SIK3: variants seen among roughly 807,000 people sequenced by gnomAD.
SIK3 encodes the protein serine/threonine-protein kinase SIK3.
In SIK3, 28 loss-of-function variants were observed where a neutral mutation model predicts 144.2. That is an observed-to-expected ratio of 0.19 (90% CI 0.14 to 0.27). The LOEUF is 0.27. Ranked by LOEUF, SIK3 falls within the 10% of genes least tolerant of loss-of-function variation. The pLI is 1.00. For missense variants in SIK3, 1,319 were observed against 1,776.0 expected (o/e 0.74, Z 4.62); for synonymous variants, 686 against 676.3 (o/e 1.01, Z -0.22).
intron 1 of SIK3, among the ~76,000 whole-genome samples, chr11:116,983,003 A>C (rs984040412): frequency 2.0e-5 from 3 of 151,022 alleles, no homozygotes; most frequent in Admixed American, 6.6e-5. Flanking sequence ...TGAATATCTA[A>C]TCTACTATAT....
intron 1 of SIK3, among the ~76,000 whole-genome samples, chr11:116,979,864 A>G (rs1565521969): frequency 1.3e-5 from 2 of 152,100 alleles, no homozygotes; most frequent in Non-Finnish European, 2.9e-5. Context: ...CAAAGAAAAA[A>G]AAGAGAGAGA....
chr11:116,979,349 AT>A (rs35718965), intron 1 of SIK3, among the ~76,000 whole-genome samples: 50 of 147,840 alleles, frequency 3.4e-4, no homozygotes, highest in East Asian at 1.2e-3. Context: ...ATTTTTCCTA[AT>A]TTTTTTTTTT....
At chr11:117,018,818 T>C (rs1487500249) in intron 1 of SIK3, among the ~76,000 whole-genome samples, 1 of 152,046 alleles carries the variant, frequency 6.6e-6, no homozygotes, top group Non-Finnish European at 1.5e-5. Context: ...TTCAAGTGAT[T>C]CTCCTGCCTC....
chr11:117,060,240 A>G (rs1002001435), intron 1 of SIK3, among the ~76,000 whole-genome samples: 15 of 152,232 alleles, frequency 9.9e-5, no homozygotes, highest in East Asian at 1.9e-4. Context: ...AAAAAAGTCA[A>G]TCTGAAAAGG....
chr11:116,964,925 T>C (rs894051636), intron 1 of SIK3, among the ~76,000 whole-genome samples: 2 of 152,026 alleles, frequency 1.3e-5, no homozygotes, highest in African/African-American at 4.8e-5. Context: ...ATAAAATGTA[T>C]AGTGCTTTTT....
intron 4 of SIK3, among the ~76,000 whole-genome samples, chr11:116,902,872 C>T (rs1158284433): frequency 3.3e-5 from 5 of 152,176 alleles, no homozygotes; most frequent in African/African-American, 7.2e-5. Flanking sequence ...CTTTCTTTAA[C>T]GTACCAAACC....
chr11:116,944,695 G>A (rs1948490763), intron 3 of SIK3, among the ~76,000 whole-genome samples: 1 of 152,142 alleles, frequency 6.6e-6, no homozygotes, highest in Non-Finnish European at 1.5e-5. Context: ...TCCTTTACCT[G>A]TATTAAACCA....
Position 116,861,938 on chromosome 11 carries a change from A to T in SIK3, c.2230-12T>A, listed in dbSNP as rs1248973204. 1 of 1,585,548 alleles carries T rather than the reference A, an allele frequency of 6.3e-7. No individual in the cohort carries two copies. The highest frequency in any genetic ancestry group is 8.6e-7 in the Non-Finnish European group (1 of 1,160,368). On this transcript the variant is annotated splice_polypyrimidine_tract_variant and intron_variant, in intron 17 of 24. Transcript: ENST00000445177. ...GGACAGATAGAGTCCTAAAACATAT[A>T]TGGGGAAAGGAAAAAAATTATTGTG... is the stretch of plus-strand genomic sequence containing the variant.
chr11:117,061,858 G>A (rs1012741073), intron 1 of SIK3, among the ~76,000 whole-genome samples: 2 of 152,088 alleles, frequency 1.3e-5, no homozygotes, highest in Non-Finnish European at 2.9e-5. Flanking sequence ...TACAAAAAAA[G>A]AGAATCAATT....
intron 1 of SIK3, among the ~76,000 whole-genome samples, chr11:116,980,632 C>G (rs1484757709): frequency 6.6e-6 from 1 of 152,144 alleles, no homozygotes; most frequent in Admixed American, 6.5e-5. Context: ...GTGGGCAGAT[C>G]ACTTGAGCTC....
intron 21 of SIK3, chr11:116,856,917 T>C (rs890728374): frequency 6.6e-6 from 1 of 152,196 alleles, no homozygotes; most frequent in African/African-American, 2.4e-5. Context: ...CTCAGGGTTG[T>C]ACAGTTTACA....
intron 1 of SIK3, among the ~76,000 whole-genome samples, chr11:117,054,996 A>G (rs1953446670): frequency 6.6e-6 from 1 of 152,212 alleles, no homozygotes; most frequent in African/African-American, 2.4e-5. Flanking sequence ...GCACTATGCT[A>G]AATACTTTTA....
intron 6 of SIK3, among the ~76,000 whole-genome samples, chr11:116,881,424 G>A (rs1160356247): frequency 1.3e-5 from 2 of 152,200 alleles, no homozygotes; most frequent in African/African-American, 2.4e-5. Context: ...GCCCTGCTGC[G>A]CTGCCAGGCA....
intron 4 of SIK3, among the ~76,000 whole-genome samples, chr11:116,913,368 G>A (rs1161468504): frequency 6.6e-6 from 1 of 151,966 alleles, no homozygotes; most frequent in Non-Finnish European, 1.5e-5. Flanking sequence ...TTTCCAATGA[G>A]TGACTTATGT....
chr11:117,075,213 A>G (rs1031462526), intron 1 of SIK3, among the ~76,000 whole-genome samples: 5 of 152,248 alleles, frequency 3.3e-5, no homozygotes, highest in Non-Finnish European at 7.3e-5. Flanking sequence ...ATGTGTGAAC[A>G]GGATACTTTT....
intron 3 of SIK3, among the ~76,000 whole-genome samples, chr11:116,935,553 T>C (rs2513095): frequency 0.86 from 130,365 of 152,086 alleles, 56,535 homozygotes; most frequent in African/African-American, 0.91. Context: ...TAAACCCAGG[T>C]AGGCTTTGAA....
At position 117,011,535 on chromosome 11, in the gene SIK3, C is replaced by T. The variant is rs538651977; in HGVS notation, c.274-54471G>A. On this transcript the variant is annotated intron_variant, in intron 1 of 24. Transcript: ENST00000445177. ...TAAACGGAAATTTTTTTTTTTACCC[C>T]GAACCAGAAATTCTGTTGAGATTGG... 4.0e-5 allele frequency among the ~76,000 whole-genome samples: 6 copies of T among 151,816 alleles called. No individual in the cohort carries two copies. In the South Asian group the frequency reaches 8.3e-4, roughly 21 times the overall value.
At position 116,873,929 on chromosome 11, in the gene SIK3, G is replaced by GC; in HGVS notation, c.1554dup (p.Gln519AlafsTer7). 6.2e-7 allele frequency: 1 copy of GC among 1,613,186 alleles called. No homozygotes were observed. The highest frequency in any genetic ancestry group is 8.5e-7 in the Non-Finnish European group (1 of 1,179,640). ...TTGTACTCAAGTTGCCCGGTTGGTT[G>GC]CAAGTTTTGCATAGGCAACAGGTTG... On this transcript the variant is annotated frameshift_variant, in exon 12 of 25. Coordinates refer to ENST00000445177, the MANE Select transcript of SIK3 (RefSeq NM_001366686.3). LOFTEE classifies it high-confidence loss of function.
chr11:117,019,056 G>C (rs1221856453), intron 1 of SIK3, among the ~76,000 whole-genome samples: 1 of 146,960 alleles, frequency 6.8e-6, no homozygotes, highest in Non-Finnish European at 1.5e-5. Context: ...GTCTTACTCT[G>C]TGGCCCAGGC....
Sources: gnomAD v4.1 joint callset for allele counts (sites outside exome capture counted in the v4.1 genomes callset) on GRCh38, gnomAD v4.1.1 for gene constraint, MANE v1.5 for transcripts, NCBI Gene and HGNC (gene_info 2026-07-23, HGNC 2026-07-21) for gene names.